Variants in KIF27 observed in about 807,000 individuals in gnomAD.
KIF27 encodes kinesin family member 27, also known as kinesin-like protein KIF27.
KIF27 carries 84 observed loss-of-function variants against 141.8 expected under a neutral mutation model. The ratio of observed to expected loss-of-function variants is 0.59; its 90% CI spans 0.50 to 0.71. The LOEUF is 0.71. Among genes scored for constraint, KIF27 ranks in the 30% least tolerant of loss-of-function variants. The pLI is 0.00. For missense variants in KIF27, 1,306 were observed against 1,628.4 expected (o/e 0.80, Z 3.41); for synonymous variants, 471 against 569.5 (o/e 0.83, Z 2.46).
chr9:83,913,591 G>C (rs1246143592), intron 2 of KIF27, among the ~76,000 whole-genome samples: 15 of 152,010 alleles, frequency 9.9e-5, no homozygotes, highest in African/African-American at 3.4e-4. Context: ...CATGTGCCAC[G>C]ACGCCCAGCT....
Position 83,859,223 on chromosome 9 carries a change from T to C in KIF27, c.3083A>G (p.Asp1028Gly). 1 of 1,614,226 alleles carries C rather than the reference T, an allele frequency of 6.2e-7. No individual in the cohort carries two copies. The highest frequency in any genetic ancestry group is 1.3e-5 in the African/African-American group (1 of 75,078). ...EQVEVLQKEK[D>G]QLQKRRHNVD... ...ATTGTGTCTGCGTTTCTGGAGCTGA[T>C]CCTTTTCTTTCTGGAGGACTTCAAC... The change falls in exon 14 of 18, where the codon GAT (aspartate) becomes GGT (glycine). Residue 1028 changes from aspartate (D) to glycine (G), a missense_variant. By Grantham distance (94) the Asp-to-Gly change is moderately conservative (BLOSUM62 -1). Transcript: ENST00000297814.
rs753175109 is a variant in KIF27 at position 83,915,391 on chromosome 9, G to A, written c.201C>T (p.Pro67=). The stretch of plus-strand genomic sequence containing the variant: ...AGCCCTCAATGAGTGACAACACTAG[G>A]GGCTTTATACATGTGTTATAAACTT... ...QDEVYNTCIK[P]LVLSLIEGYN... The change falls in exon 2 of 18, where the codon CCC becomes CCT. Residue 67 remains proline, a synonymous_variant. Transcript: ENST00000297814. 32 of 1,613,798 alleles carry A rather than the reference G, an allele frequency of 2.0e-5. 2 individuals carry two copies. The African/African-American group carries it at 2.0e-4, about 10-fold the overall frequency.
intron 12 of KIF27, among the ~76,000 whole-genome samples, chr9:83,868,724 AG>A (rs1435586726): frequency 2.6e-5 from 4 of 152,096 alleles, no homozygotes; most frequent in East Asian, 3.9e-4. Flanking sequence ...CCTTATAGAA[AG>A]GGTTTCTGGA....
intron 17 of KIF27, among the ~76,000 whole-genome samples, chr9:83,840,186 C>A (rs576344052): frequency 6.6e-6 from 1 of 152,118 alleles, no homozygotes; most frequent in Admixed American, 6.5e-5. Flanking sequence ...AAAGCATGGG[C>A]AAAATATGAA....
intron 14 of KIF27, 35 bp from the exon 15 acceptor site, chr9:83,853,870 A>C: frequency 6.9e-7 from 1 of 1,453,022 alleles, no homozygotes; most frequent in Non-Finnish European, 9.6e-7. Context: ...TTTAAATGAA[A>C]TAGTATAACT....
At chr9:83,893,835 CT>C (rs1952915649) in intron 5 of KIF27, among the ~76,000 whole-genome samples, 1 of 151,838 alleles carries the variant, frequency 6.6e-6, no homozygotes, top group Admixed American at 6.6e-5. Context: ...CAAAAATTGT[CT>C]CTTTGAAGAG....
chr9:83,864,343 A>G (rs925406840), intron 13 of KIF27, among the ~76,000 whole-genome samples: 3 of 152,142 alleles, frequency 2.0e-5, no homozygotes, highest in African/African-American at 4.8e-5. Flanking sequence ...ACACTGCTTT[A>G]AATGTGTCCC....
intron 2 of KIF27, among the ~76,000 whole-genome samples, chr9:83,914,550 T>C (rs886644566): frequency 6.6e-6 from 1 of 152,178 alleles, no homozygotes; most frequent in African/African-American, 2.4e-5. Context: ...GAAAGCCATA[T>C]ATTTTACATT....
intron 11 of KIF27, among the ~76,000 whole-genome samples, chr9:83,874,714 A>T (rs1038677910): frequency 1.3e-5 from 2 of 151,990 alleles, no homozygotes; most frequent in African/African-American, 4.8e-5. Flanking sequence ...CAGGAGGATC[A>T]CTTGAGCCCA....
rs1945750884 is a variant in KIF27 at position 83,835,697 on chromosome 9, A to C, written c.*1304T>G. On this transcript the variant is annotated 3_prime_UTR_variant, in exon 18 of 18. Transcript: ENST00000297814. ...TCCACAGCAACAGAGGAAAGGACAA[A>C]AGGAAAAGGTCTGTAGCAGCACTAC... 6.6e-6 allele frequency: 1 copy of C among 152,152 alleles called. No homozygotes were observed. The highest frequency in any genetic ancestry group is 1.5e-5 in the Non-Finnish European group (1 of 68,038). 9.4% of individuals were successfully genotyped at this position (152,152 alleles called of 1,614,324 possible).
Position 83,839,044 on chromosome 9 carries a change from C to T in KIF27, c.3722-1559G>A, listed in dbSNP as rs148792694. Among the ~76,000 whole-genome samples, 253 of 152,070 alleles carry T rather than the reference C, an allele frequency of 1.7e-3. 1 individual carries two copies. Among genetic ancestry groups the T allele is most frequent in the African/African-American group, 5.7e-3 (235 of 41,456 alleles). ...GTGCGGTGGTTTATGCCTGTAGCCC[C>T]AGCTACTTGAGAGGCTGAGGTGGGA... On this transcript the variant is annotated intron_variant, in intron 17 of 17. Coordinates refer to ENST00000297814, the MANE Select transcript of KIF27 (RefSeq NM_017576.4).
chr9:83,901,971 A>AT (rs1563985618), intron 4 of KIF27, among the ~76,000 whole-genome samples: 3 of 152,312 alleles, frequency 2.0e-5, no homozygotes, highest in East Asian at 1.9e-4. Flanking sequence ...AATAGCTTAG[A>AT]TTTTTTCAGT....
intron 13 of KIF27, among the ~76,000 whole-genome samples, chr9:83,862,271 A>G (rs1949999463): frequency 6.6e-6 from 1 of 151,960 alleles, no homozygotes; most frequent in Admixed American, 6.6e-5. Flanking sequence ...CCTGAATGGT[A>G]TTGCCTAGGT....
At chr9:83,862,895 C>A (rs1191883152) in intron 13 of KIF27, among the ~76,000 whole-genome samples, 1 of 152,090 alleles carries the variant, frequency 6.6e-6, no homozygotes, top group Non-Finnish European at 1.5e-5. Flanking sequence ...CTTCACATCC[C>A]TGGTAAGTTG....
chr9:83,882,962 C>T (rs547546246), intron 10 of KIF27, among the ~76,000 whole-genome samples: 108 of 152,140 alleles, frequency 7.1e-4, no homozygotes, highest in African/African-American at 2.5e-3. Flanking sequence ...CCAGGAGGGA[C>T]TTTTCAGGCC....
intron 1 of KIF27, among the ~76,000 whole-genome samples, chr9:83,919,575 T>C (rs2132892081): frequency 6.6e-6 from 1 of 151,712 alleles, no homozygotes; most frequent in Non-Finnish European, 1.5e-5. Flanking sequence ...CAACAATGAA[T>C]TGATAATATT....
At chr9:83,904,421 A>G (rs1295897410) in intron 3 of KIF27, among the ~76,000 whole-genome samples, 1 of 152,068 alleles carries the variant, frequency 6.6e-6, no homozygotes, top group East Asian at 1.9e-4. Context: ...CCCAGGCTAG[A>G]GTGCAGTGTC....
At chr9:83,879,237 C>A (rs1951479813) in intron 11 of KIF27, among the ~76,000 whole-genome samples, 1 of 148,444 alleles carries the variant, frequency 6.7e-6, no homozygotes, top group South Asian at 2.1e-4. Context: ...ATATATTTTA[C>A]CACAACTTAA....
chr9:83,868,481 A>T (rs559770650), intron 12 of KIF27: 2 of 152,324 alleles, frequency 1.3e-5, no homozygotes, highest in South Asian at 2.1e-4. Flanking sequence ...AATTATTTTT[A>T]AAAAAGAAAA....
Sources: allele counts gnomAD v4.1 joint callset (sites outside exome capture counted in the v4.1 genomes callset), GRCh38; gene constraint gnomAD v4.1.1; transcripts MANE v1.5; gene names NCBI Gene and HGNC (gene_info 2026-07-23, HGNC 2026-07-21).